ESR1: variants seen among roughly 807,000 people sequenced by gnomAD.
The protein encoded by ESR1 is estrogen receptor 1.
ESR1 carries 12 observed loss-of-function variants against 52.7 expected under a neutral mutation model. The observed-to-expected ratio is 0.23, with a 90% CI of 0.15 to 0.37. ESR1 has a LOEUF of 0.37. ESR1 is among the 10% of genes least tolerant of loss of function. The pLI, the probability that ESR1 is intolerant of heterozygous loss-of-function variation, is 1.00. For missense variants in ESR1, 584 were observed against 779.7 expected (o/e 0.75, Z 2.99); for synonymous variants, 305 against 316.8 (o/e 0.96, Z 0.39).
chr6:151,843,744 C>T (rs1290368674), intron 2 of ESR1, among the ~76,000 whole-genome samples: 1 of 151,944 alleles, frequency 6.6e-6, no homozygotes, highest in African/African-American at 2.4e-5. Flanking sequence ...CTACAAAAAC[C>T]CAGATTTAAG....
chr6:151,782,099 A>G (rs1464440123), intron 2 of ESR1, among the ~76,000 whole-genome samples: 4 of 152,222 alleles, frequency 2.6e-5, no homozygotes, highest in African/African-American at 9.6e-5. Flanking sequence ...GTTGAGTTCA[A>G]ATCCTTAGTT....
At chr6:151,808,833 T>G (rs1039529212) in intron 1 of ESR1, among the ~76,000 whole-genome samples, 5 of 152,174 alleles carry the variant, frequency 3.3e-5, no homozygotes, top group Admixed American at 3.3e-4. Flanking sequence ...TTTTGTTTAA[T>G]GTGCTCCCCA....
chr6:152,040,919 G>A (rs1232777659), intron 5 of ESR1, among the ~76,000 whole-genome samples: 1 of 152,186 alleles, frequency 6.6e-6, no homozygotes, highest in East Asian at 1.9e-4. Context: ...GGACTTGCTT[G>A]AGCCTGATCA....
intron 3 of ESR1, among the ~76,000 whole-genome samples, chr6:151,881,007 G>A (rs1363086604): frequency 6.6e-6 from 1 of 152,168 alleles, no homozygotes; most frequent in East Asian, 1.9e-4. Flanking sequence ...GATTTTCAAT[G>A]TAAATAATTA....
chr6:152,040,014 C>G (rs1406256667), intron 5 of ESR1, among the ~76,000 whole-genome samples: 1 of 152,182 alleles, frequency 6.6e-6, no homozygotes, highest in East Asian at 1.9e-4. Context: ...GCAGGATAGG[C>G]AAACCCATAT....
intron 2 of ESR1, among the ~76,000 whole-genome samples, chr6:151,844,102 G>GTA (rs1784728052): frequency 6.6e-6 from 1 of 150,774 alleles, no homozygotes; most frequent in Admixed American, 6.6e-5. Flanking sequence ...CTTTGTGTGT[G>GTA]TATATATATA....
intron 2 of ESR1, among the ~76,000 whole-genome samples, chr6:151,793,239 C>G (rs1056820245): frequency 1.1e-4 from 16 of 151,916 alleles, no homozygotes; most frequent in Non-Finnish European, 1.8e-4. Flanking sequence ...TTAGCCTAGG[C>G]CTACCCAGGG....
intron 5 of ESR1, among the ~76,000 whole-genome samples, chr6:152,052,718 A>G (rs1249101899): frequency 3.9e-5 from 6 of 152,100 alleles, no homozygotes; most frequent in Non-Finnish European, 7.4e-5. Flanking sequence ...CCTGGACCCA[A>G]TCTGTGCCTT....
chr6:151,941,364 C>T (rs2035035696), intron 3 of ESR1, among the ~76,000 whole-genome samples: 1 of 152,108 alleles, frequency 6.6e-6, no homozygotes, highest in Admixed American at 6.5e-5. Context: ...AATACACTGA[C>T]TAATACTGAA....
At chr6:151,686,495 C>T (rs1239868607), upstream of ESR1, among the ~76,000 whole-genome samples, 1 of 152,180 alleles carries the variant, frequency 6.6e-6, no homozygotes, top group South Asian at 2.1e-4. Context: ...ACCATCCCGG[C>T]TAACATGGTG....
rs57831774 is a variant in ESR1 at position 151,882,810 on chromosome 6, T to C, written c.760+2039T>C. Among the ~76,000 whole-genome samples the C allele has an allele frequency of 4.5e-3, 683 of 152,160 alleles. 8 individuals carry two copies. Among genetic ancestry groups the C allele is most frequent in the African/African-American group, 0.016 (662 of 41,516 alleles). ...CAGATACGGTCTGGCTGCATGAATA[T>C]AAATTACGCATTCTCATTTTTAATC... On this transcript the variant is annotated intron_variant, in intron 3 of 7. Transcript: ENST00000206249.
Position 151,896,956 on chromosome 6 carries a change from C to A in ESR1, c.760+16185C>A, listed in dbSNP as rs118119753. On this transcript the variant is annotated intron_variant, in intron 3 of 7. Coordinates refer to ENST00000206249, the MANE Select transcript of ESR1 (RefSeq NM_000125.4). Reference sequence around the variant, plus strand: ...TGTTGACCCAATGATCATTCAGGAGCAGGTTATTTCACTTCCATGTATTTG... The same window carrying A: ...TGTTGACCCAATGATCATTCAGGAGAAGGTTATTTCACTTCCATGTATTTG... Among the ~76,000 whole-genome samples the A allele has an allele frequency of 3.4e-4, 52 of 152,270 alleles. No individual in the cohort carries two copies. In the East Asian group the frequency reaches 7.5e-3, roughly 22 times the overall value.
intron 5 of ESR1, among the ~76,000 whole-genome samples, chr6:152,034,599 A>G (rs2045107729): frequency 2.6e-5 from 4 of 151,950 alleles, no homozygotes; most frequent in Admixed American, 6.6e-5. Context: ...TTGCCTCACC[A>G]TATCATTTCT....
intron 4 of ESR1, among the ~76,000 whole-genome samples, chr6:151,945,463 G>A (rs375732335): frequency 1.3e-5 from 2 of 152,106 alleles, no homozygotes; most frequent in South Asian, 2.1e-4. Context: ...CTGGTGTTCT[G>A]GTAAAATTGG....
chr6:152,008,741 AAT>A (rs2042532601), intron 4 of ESR1, among the ~76,000 whole-genome samples: 1 of 151,442 alleles, frequency 6.6e-6, no homozygotes, highest in African/African-American at 2.4e-5. Context: ...CATGGGTGGC[AAT>A]ATTACATATA....
At chr6:151,747,020 T>A (rs543077339) in intron 2 of ESR1, among the ~76,000 whole-genome samples, 1 of 152,270 alleles carries the variant, frequency 6.6e-6, no homozygotes, top group South Asian at 2.1e-4. Context: ...AAGCTATCCA[T>A]TCTTAGGTTG....
chr6:151,889,537 T>C lies in ESR1; in HGVS notation c.760+8766T>C, dbSNP rs9340861. On this transcript the variant is annotated intron_variant, in intron 3 of 7. Coordinates refer to ENST00000206249, the MANE Select transcript of ESR1 (RefSeq NM_000125.4). ...TTTTATTTCTGATTCAGTTTATTTG[T>C]GTCTTCTCACTTTTTTTCTTAGTCT... Among the ~76,000 whole-genome samples the C allele has an allele frequency of 1.1e-3, 169 of 152,304 alleles. 3 individuals are homozygous for C. The highest frequency in any genetic ancestry group is 3.6e-3 in the African/African-American group (150 of 41,584).
Position 151,664,155 on chromosome 6 carries a change from C to T in ESR1, n.73+7392C>T, listed in dbSNP as rs371189532. 7.9e-4 allele frequency among the ~76,000 whole-genome samples: 121 copies of T among 152,302 alleles called. 1 individual carries two copies. The highest frequency in any genetic ancestry group is 2.7e-3 in the South Asian group (13 of 4,820). ...GAAAAGGCTGAAGTGGTGACTTAGA[C>T]TTGAGAAATTATAGATTCCATGGAG... On this transcript the variant is annotated intron_variant and non_coding_transcript_variant, in intron 1 of 2. Coordinates refer to the ESR1 transcript ENST00000473497.
At chr6:151,927,799 C>G (rs893614290) in intron 3 of ESR1, among the ~76,000 whole-genome samples, 7 of 151,994 alleles carry the variant, frequency 4.6e-5, no homozygotes, top group African/African-American at 1.7e-4. Flanking sequence ...CTCACTGCAA[C>G]CTCTGCCTCT....
Sources: gnomAD v4.1 joint callset for allele counts (sites outside exome capture counted in the v4.1 genomes callset) on GRCh38, gnomAD v4.1.1 for gene constraint, MANE v1.5 for transcripts, NCBI Gene and HGNC (gene_info 2026-07-23, HGNC 2026-07-21) for gene names.